TRIM66: variants seen among roughly 807,000 people sequenced by gnomAD.
The protein encoded by TRIM66 is tripartite motif containing 66, also known as tripartite motif-containing protein 66.
Under a neutral mutation model 148.2 loss-of-function variants are expected in TRIM66, and 99 were observed. The ratio of observed to expected loss-of-function variants is 0.67; its 90% CI spans 0.57 to 0.79. TRIM66 has a LOEUF of 0.79. TRIM66 is among the 30% of genes least tolerant of loss of function. The pLI is 0.00. For synonymous variants in TRIM66, 616 were observed against 635.9 expected, an observed-to-expected ratio of 0.97 and a Z score of 0.47; for missense variants, 1,666 against 1,697.9, an observed-to-expected ratio of 0.98 and a Z score of 0.33.
At chr11:8,682,870 GTA>G, upstream of TRIM66, 1 of 1,577,952 alleles carries the variant, frequency 6.3e-7, no homozygotes, top group Non-Finnish European at 8.6e-7. Context: ...CCCCTAAGCT[GTA>G]TTCCCATTGC....
At chr11:8,649,653 C>T (rs925888324) in intron 8 of TRIM66, 87 bp downstream of exon 8, 1 of 1,477,264 alleles carries the variant, frequency 6.8e-7, no homozygotes, top group Non-Finnish European at 9.1e-7. Context: ...AGCAAGAAAA[C>T]AAGATCGGAG....
In TRIM66 at chr11:8,682,624, A is replaced by G. The variant is rs1470708954; in HGVS notation, c.-571T>C. The stretch of plus-strand genomic sequence containing the variant: ...ACCGAAACCGTACACCGCCACCAGG[A>G]CACTCCGTGATGGGGGATCACCACC... On this transcript the variant is annotated 5_prime_UTR_variant, in exon 1 of 25. Coordinates refer to ENST00000646038, the MANE Select transcript of TRIM66 (RefSeq NM_001388022.1). 6.0e-6 allele frequency: 4 copies of G among 666,030 alleles called. No individual in the cohort carries two copies. The African/African-American group carries it at 7.3e-5, about 12-fold the overall frequency. 41.3% of individuals were successfully genotyped at this position (666,030 alleles called of 1,614,324 possible).
chr11:8,660,646 C>T (rs1397392485), intron 6 of TRIM66, among the ~76,000 whole-genome samples: 1 of 152,218 alleles, frequency 6.6e-6, no homozygotes, highest in Non-Finnish European at 1.5e-5. Flanking sequence ...AAGTTTATGA[C>T]ATCTGGCCTA....
At chr11:8,642,925 C>A (rs946123356) in intron 13 of TRIM66, 84 bp downstream of exon 13, 13 of 691,822 alleles carry the variant, frequency 1.9e-5, no homozygotes, top group Middle Eastern at 4.6e-4. Context: ...TTCTCTTGGG[C>A]ATATGCTGAC....
chr11:8,682,797 TC>T, upstream of TRIM66: 1 of 1,613,466 alleles, frequency 6.2e-7, no homozygotes, highest in South Asian at 1.1e-5. Context: ...CCTTCCTTTT[TC>T]GTCTGGGCTG....
chr11:8,667,325 GACA>G (rs1565569594), intron 6 of TRIM66, among the ~76,000 whole-genome samples: 1 of 152,128 alleles, frequency 6.6e-6, no homozygotes, highest in African/African-American at 2.4e-5. Context: ...CAAAAGCACA[GACA>G]ACAACAACAA....
At chr11:8,661,655 C>G (rs1406044050) in intron 6 of TRIM66, among the ~76,000 whole-genome samples, 1 of 152,188 alleles carries the variant, frequency 6.6e-6, no homozygotes, top group Non-Finnish European at 1.5e-5. Context: ...GATTTTTTTC[C>G]TGGCTCTGCA....
Position 8,623,443 on chromosome 11 carries a change from A to G in TRIM66, c.3020-567T>C, listed in dbSNP as rs79193118. Among the ~76,000 whole-genome samples the G allele has an allele frequency of 3.7e-4, 56 of 152,370 alleles. No homozygotes were observed. In the East Asian group the frequency reaches 0.01, roughly 27 times the overall value. On this transcript the variant is annotated intron_variant, in intron 17 of 24. Transcript: ENST00000646038. The stretch of plus-strand genomic sequence containing the variant: ...CACTGTACATGCGCAAGCAGGGTCT[A>G]AAAAGTTTAACTGCATAAAATGCAG...
In TRIM66 at chr11:8,621,425, C is replaced by T. The variant is rs941408627; in HGVS notation, c.3256-104G>A. 7.0e-6 allele frequency: 10 copies of T among 1,422,048 alleles called. No homozygotes were observed. The African/African-American group carries it at 1.2e-4, about 16-fold the overall frequency. The allele number at this position is 1,422,048 out of a possible 1,614,324, so 88.1% of individuals were successfully genotyped here. The stretch of plus-strand genomic sequence containing the variant: ...GCCCTGCATGCCTACATGAGAGCCA[C>T]TTATTCCAGGACCCCAAGCCAGCAA... On this transcript the variant is annotated intron_variant, in intron 19 of 24. Transcript: ENST00000646038.
chr11:8,658,723 G>C, intron 6 of TRIM66: 1 of 973,840 alleles, frequency 1.0e-6, no homozygotes, highest in Non-Finnish European at 1.2e-6. Context: ...CAGATGCCAG[G>C]CACACACTCT....
intron 6 of TRIM66, among the ~76,000 whole-genome samples, chr11:8,666,049 A>G (rs1315025345): frequency 1.3e-5 from 2 of 152,078 alleles, no homozygotes; most frequent in Non-Finnish European, 2.9e-5. Context: ...ACTAAAGAAT[A>G]TAAGAAGCTG....
chr11:8,618,191 G>A (rs1181144199), intron 24 of TRIM66, among the ~76,000 whole-genome samples, 188 bp from the exon 25 acceptor site: 2 of 152,188 alleles, frequency 1.3e-5, no homozygotes, highest in Admixed American at 6.5e-5. Context: ...GGGGATGGCT[G>A]GCCAGACCCT....
At chr11:8,655,643 C>T (rs1332460552) in intron 6 of TRIM66, among the ~76,000 whole-genome samples, 4 of 151,880 alleles carry the variant, frequency 2.6e-5, no homozygotes, top group African/African-American at 9.7e-5. Flanking sequence ...ATTAGTCAGG[C>T]GTGGTGGTGG....
rs972590983 is a variant in TRIM66, at chr11:8,672,207, C to T, written c.27+41G>A. The T allele has an allele frequency of 2.5e-5, 38 of 1,536,010 alleles. No homozygotes were observed. The African/African-American group carries it at 4.9e-4, about 20-fold the overall frequency. Reference sequence around the variant, plus strand: ...CCTCAAAAGTCCAGGCCATGTTCCTCTCCAGAGCTGGAGGCTCATGCCTCA... The same window carrying T: ...CCTCAAAAGTCCAGGCCATGTTCCTTTCCAGAGCTGGAGGCTCATGCCTCA... On this transcript the variant is annotated intron_variant, in intron 5 of 24. Transcript: ENST00000646038.
chr11:8,643,109 C>A lies in TRIM66; in HGVS notation c.1122G>T (p.Gln374His), dbSNP rs1221082778. The change falls in exon 13 of 25, where the codon CAG becomes CAT. Residue 374 changes from glutamine (Q) to histidine (H), a missense_variant. By Grantham distance (24) the Gln-to-His change is conservative (BLOSUM62 0). Around this residue, in one of 3 missense-constraint regions of TRIM66, gnomAD observed 1,431 missense variants for 1,412.4 expected, o/e 1.01. Coordinates refer to ENST00000646038, the MANE Select transcript of TRIM66 (RefSeq NM_001388022.1). The part of the protein sequence containing the change: ...FSKELIVFQM[Q>H]RLLETSCNTD... The stretch of plus-strand genomic sequence containing the variant: ...TGTTACAACTTGTCTCCAGCAATCG[C>A]TGCATCTGAAACACAATCTGACAAC... 6.4e-7 allele frequency: 1 copy of A among 1,550,804 alleles called. No homozygotes were observed. The highest frequency in any genetic ancestry group is 8.7e-7 in the Non-Finnish European group (1 of 1,146,746).
At chr11:8,652,197 G>T (rs757108731) in intron 6 of TRIM66, among the ~76,000 whole-genome samples, 2 of 151,932 alleles carry the variant, frequency 1.3e-5, no homozygotes, top group Non-Finnish European at 2.9e-5. Flanking sequence ...CGCTGCTTTG[G>T]TTCTGACAAT....
At chr11:8,649,671 C>T (rs776174135) in intron 8 of TRIM66, 69 bp downstream of exon 8, 247 of 1,516,842 alleles carry the variant, frequency 1.6e-4, no homozygotes, top group Non-Finnish European at 2.1e-4. Flanking sequence ...GAGAGCTATT[C>T]TCCAGGGATC....
rs11517718 is a variant in TRIM66 at position 8,671,858 on chromosome 11, G to A, written c.268C>T (p.Arg90Cys). 0.37 allele frequency: 575,598 copies of A among 1,535,464 alleles called. 111,577 individuals are homozygous for A. Among genetic ancestry groups the A allele is most frequent in the East Asian group, 0.62 (25,179 of 40,902 alleles). ...SHLLSCQHLL[R>C]KDCFQGLIQE... is the part of the protein sequence containing the mutation. ...ATCAAGCCCTGGAAGCAGTCCTTACGGAGCAAATGCTGGCAGGATAGGAGA... is the reference window on the plus strand; with the variant it reads ...ATCAAGCCCTGGAAGCAGTCCTTACAGAGCAAATGCTGGCAGGATAGGAGA... Residue 90 changes from arginine (R) to cysteine (C), a missense_variant, in exon 6 of 25, where the codon CGT becomes TGT. Coordinates refer to ENST00000646038, the MANE Select transcript of TRIM66 (RefSeq NM_001388022.1).
At chr11:8,629,159 G>C (rs565566513) in intron 15 of TRIM66, among the ~76,000 whole-genome samples, 1 of 152,152 alleles carries the variant, frequency 6.6e-6, no homozygotes, top group Non-Finnish European at 1.5e-5. Context: ...AACATGCCCA[G>C]GCCTGCATTC....
Sources: allele counts gnomAD v4.1 joint callset (sites outside exome capture counted in the v4.1 genomes callset), GRCh38; gene constraint gnomAD v4.1.1; regional missense constraint gnomAD v4.1.1; transcripts MANE v1.5; gene names NCBI Gene and HGNC (gene_info 2026-07-23, HGNC 2026-07-21).